LDB2: variants seen among roughly 807,000 people sequenced by gnomAD.
LDB2 encodes LIM domain binding 2.
A neutral mutation model predicts 44.3 loss-of-function variants in LDB2; 12 were observed. That is an observed-to-expected ratio of 0.27 (90% CI 0.17 to 0.44). The LOEUF is 0.44. Ranked by LOEUF, LDB2 falls within the 20% of genes least tolerant of loss-of-function variation. LDB2 has a pLI of 1.00. For synonymous variants in LDB2, 164 were observed against 174.8 expected (o/e 0.94, Z 0.49); for missense variants, 344 against 473.5 (o/e 0.73, Z 2.54).
chr4:16,877,241 G>A (rs1242527419), intron 1 of LDB2, among the ~76,000 whole-genome samples: 1 of 152,128 alleles, frequency 6.6e-6, no homozygotes, highest in Non-Finnish European at 1.5e-5. Flanking sequence ...TCATTGCAAC[G>A]AATCATTCTC....
intron 1 of LDB2, among the ~76,000 whole-genome samples, chr4:16,813,176 G>A (rs1780229386): frequency 6.6e-6 from 1 of 152,080 alleles, no homozygotes; most frequent in African/African-American, 2.4e-5. Context: ...AGTAGAGATG[G>A]GGTTTCGCCA....
At chr4:16,867,902 AACCTG>A (rs1418309542) in intron 1 of LDB2, among the ~76,000 whole-genome samples, 2 of 152,200 alleles carry the variant, frequency 1.3e-5, no homozygotes, top group Admixed American at 1.3e-4. Flanking sequence ...TCCCTAACCT[AACCTG>A]ACCACTTCAA....
intron 5 of LDB2, among the ~76,000 whole-genome samples, chr4:16,517,503 A>G (rs996078529): frequency 2.0e-5 from 3 of 152,260 alleles, no homozygotes; most frequent in Admixed American, 2.0e-4. Context: ...CAAAGACAAC[A>G]TGTCTGCAAC....
At chr4:16,699,335 A>G (rs981604749) in intron 2 of LDB2, among the ~76,000 whole-genome samples, 2 of 152,370 alleles carry the variant, frequency 1.3e-5, no homozygotes, top group South Asian at 4.1e-4. Flanking sequence ...TGTGATAAGG[A>G]TCATCACTAA....
chr4:16,865,553 G>A (rs1420255787), intron 1 of LDB2, among the ~76,000 whole-genome samples: 1 of 152,116 alleles, frequency 6.6e-6, no homozygotes, highest in African/African-American at 2.4e-5. Flanking sequence ...TCCAAGAGAA[G>A]GGCCATTTTC....
intron 5 of LDB2, among the ~76,000 whole-genome samples, chr4:16,539,495 G>A (rs929012845): frequency 6.6e-6 from 1 of 152,142 alleles, no homozygotes; most frequent in African/African-American, 2.4e-5. Flanking sequence ...CCATGGTGAT[G>A]ATAGTGGTGA....
chr4:16,543,389 A>G (rs1577531338), intron 5 of LDB2, among the ~76,000 whole-genome samples: 1 of 152,230 alleles, frequency 6.6e-6, no homozygotes, highest in East Asian at 1.9e-4. Flanking sequence ...AGTCCCACCA[A>G]CAGTGTAAAA....
rs144321322 is a variant in LDB2, at chr4:16,536,865, T to C, written c.616-24761A>G. On this transcript the variant is annotated intron_variant, in intron 5 of 7. Transcript: ENST00000304523. ...TTTGACTGTGTGGCCTTAGGCCAGT[T>C]ACTCAGTCTCTGTGTTCAAAAATAA... is the stretch of plus-strand genomic sequence containing the variant. Among the ~76,000 whole-genome samples, 475 of 152,358 alleles carry C rather than the reference T, an allele frequency of 3.1e-3. 3 individuals carry two copies. The highest frequency in any genetic ancestry group is 0.011 in the African/African-American group (453 of 41,590).
chr4:16,563,429 ATTTTTTTTTTTTTTTTT>A (rs1169491759), intron 5 of LDB2, among the ~76,000 whole-genome samples: 24 of 46,574 alleles, frequency 5.2e-4, no homozygotes, highest in East Asian at 1.0e-3. Context: ...CAGTCATCAG[ATTTTTTTTTTTTTTTTT>A]TTTTTTTTTT....
At chr4:16,719,048 C>T (rs1037223164) in intron 2 of LDB2, among the ~76,000 whole-genome samples, 1 of 150,888 alleles carries the variant, frequency 6.6e-6, no homozygotes, top group African/African-American at 2.4e-5. Context: ...AAGAAACAAC[C>T]TGTAACATGA....
chr4:16,711,166 A>G (rs955204568), intron 2 of LDB2, among the ~76,000 whole-genome samples: 3 of 152,232 alleles, frequency 2.0e-5, no homozygotes, highest in East Asian at 3.8e-4. Flanking sequence ...CTTCTAGGGC[A>G]CCTAAAGTGC....
At chr4:16,833,544 C>CT (rs34692758) in intron 1 of LDB2, among the ~76,000 whole-genome samples, 23,780 of 129,786 alleles carry the variant, frequency 0.18, 2,560 homozygotes, top group Non-Finnish European at 0.24. Flanking sequence ...ATCTTTTCCT[C>CT]TTTTTTTTTT....
intron 2 of LDB2, among the ~76,000 whole-genome samples, chr4:16,749,593 T>A (rs575892707): frequency 0.031 from 4,296 of 137,396 alleles, 101 homozygotes; most frequent in Admixed American, 0.051. Context: ...AAAAAAAATA[T>A]ATATATATAT....
intron 2 of LDB2, among the ~76,000 whole-genome samples, chr4:16,691,407 C>T (rs1750743175): frequency 6.6e-6 from 1 of 151,974 alleles, no homozygotes; most frequent in Non-Finnish European, 1.5e-5. Context: ...TATTCTTTGC[C>T]CGAAGAGAAA....
chr4:16,542,105 G>GGC (rs1553889142), intron 5 of LDB2, among the ~76,000 whole-genome samples: 1 of 146,868 alleles, frequency 6.8e-6, no homozygotes, highest in African/African-American at 2.6e-5. Flanking sequence ...AGGTGGTGGG[G>GGC]GGGGGGGCGC....
chr4:16,781,022 G>A (rs912059683), intron 1 of LDB2, among the ~76,000 whole-genome samples: 2 of 152,084 alleles, frequency 1.3e-5, no homozygotes, highest in Non-Finnish European at 1.5e-5. Context: ...GTTGCCTGGA[G>A]GTGGCTAAGC....
intron 5 of LDB2, among the ~76,000 whole-genome samples, chr4:16,558,077 A>T (rs1740455516): frequency 6.6e-6 from 1 of 152,184 alleles, no homozygotes. Context: ...CATCACCATC[A>T]TCAAAGACCA....
intron 2 of LDB2, among the ~76,000 whole-genome samples, chr4:16,691,873 T>C (rs1199288362): frequency 6.6e-6 from 1 of 152,208 alleles, no homozygotes; most frequent in Non-Finnish European, 1.5e-5. Flanking sequence ...CCTTCTCTGC[T>C]TAAATTAATA....
Position 16,502,754 on chromosome 4 carries a change from C to G in LDB2, c.1011G>C (p.Glu337Asp), listed in dbSNP as rs1359164315. 4.3e-6 allele frequency: 7 copies of G among 1,613,958 alleles called. No homozygotes were observed. Among genetic ancestry groups the G allele is most frequent in the Non-Finnish European group, 5.9e-6 (7 of 1,179,966 alleles). Reference sequence around the variant, plus strand: ...GCGCGGGTGAATTGTTGAAGTCCTCCTCGTCGTCCATGCCGTTGGCCGCAT... The same window carrying G: ...GCGCGGGTGAATTGTTGAAGTCCTCGTCGTCGTCCATGCCGTTGGCCGCAT... ...QYDAANGMDD[E>D]EDFNNSPALG... Residue 337 changes from glutamate to aspartate, a missense_variant, in exon 8 of 8, where the codon GAG becomes GAC. Coordinates refer to ENST00000304523, the MANE Select transcript of LDB2 (RefSeq NM_001290.5).
Sources: allele counts gnomAD v4.1 joint callset (sites outside exome capture counted in the v4.1 genomes callset), GRCh38; gene constraint gnomAD v4.1.1; transcripts MANE v1.5; gene names NCBI Gene and HGNC (gene_info 2026-07-23, HGNC 2026-07-21).